Variants in SPOCD1 observed in about 807,000 individuals in gnomAD.
The protein encoded by SPOCD1 is SPOC domain containing 1, also known as SPOC domain-containing protein 1.
A neutral mutation model predicts 92.2 loss-of-function variants in SPOCD1; 64 were observed. The ratio of observed to expected loss-of-function variants is 0.69; its 90% CI spans 0.57 to 0.86. SPOCD1 has a LOEUF of 0.86. Among genes scored for constraint, SPOCD1 ranks in the 40% least tolerant of loss-of-function variants. The probability of loss-of-function intolerance (pLI) is 0.00; values close to 1 mark genes in which losing one functional copy is unlikely to be tolerated. For missense variants in SPOCD1, 1,360 were observed against 1,543.1 expected, an observed-to-expected ratio of 0.88 and a Z score of 1.99; for synonymous variants, 578 against 619.3, an observed-to-expected ratio of 0.93 and a Z score of 0.99.
rs780024963 is a variant in SPOCD1 at position 31,799,833 on chromosome 1, G to A, written c.1759C>T (p.Leu587Phe). ...SGPMEAEEDS[L>F]PEQPEDSAQL... ...CCTGAGTCCTCTGGCTGCTCCGGAA[G>A]AGAATCCTCTTCAGCCTCCATTGGG... Residue 587 changes from leucine to phenylalanine, a missense_variant, in exon 6 of 16, where the codon CTT (leucine) becomes TTT (phenylalanine). Around this residue, in one of 3 missense-constraint regions of SPOCD1, gnomAD observed 606 missense variants for 601.5 expected, o/e 1.01. Coordinates refer to ENST00000360482, the MANE Select transcript of SPOCD1 (RefSeq NM_144569.7). The A allele has an allele frequency of 6.2e-6, 10 of 1,614,004 alleles. No individual in the cohort carries two copies. In the Admixed American group the frequency reaches 1.3e-4, roughly 22 times the overall value.
At chr1:31,811,257 G>T (rs1333975645) in intron 2 of SPOCD1, among the ~76,000 whole-genome samples, 1 of 152,136 alleles carries the variant, frequency 6.6e-6, no homozygotes, top group South Asian at 2.1e-4. Flanking sequence ...GATCACCTGA[G>T]GTCAGGAGTT....
chr1:31,813,863 G>C (rs1649359155), intron 2 of SPOCD1, 88 bp downstream of exon 2: 1 of 1,255,378 alleles, frequency 8.0e-7, no homozygotes. Flanking sequence ...CGCCCATCTA[G>C]CTTAGCTTTA....
At chr1:31,799,059 C>T (rs1314980856) in intron 7 of SPOCD1, among the ~76,000 whole-genome samples, 1 of 152,188 alleles carries the variant, frequency 6.6e-6, no homozygotes, top group Non-Finnish European at 1.5e-5. Context: ...GAGCCTTGGT[C>T]TCCCCATCAG....
intron 4 of SPOCD1, 87 bp from the exon 5 acceptor site, chr1:31,800,228 C>T: frequency 6.6e-7 from 1 of 1,514,116 alleles, no homozygotes; most frequent in Non-Finnish European, 8.8e-7. Context: ...CCCAGCCCCT[C>T]CCTCCTCCAG....
Position 31,791,003 on chromosome 1 carries a change from G to A in SPOCD1, c.3251C>T (p.Ser1084Phe). The change falls in exon 16 of 16, where the codon TCT (serine) becomes TTT (phenylalanine). Residue 1084 changes from serine to phenylalanine, a missense_variant. Ser to Phe is a radical substitution (Grantham distance 155). Transcript: ENST00000360482. Reference protein sequence around the residue: ...GRGSIAPRGISAWQRPPRGRG... With the variant: ...GRGSIAPRGIFAWQRPPRGRG... ...GCCTCTGGGGGGCCTCTGCCAAGCA[G>A]AGATTCCCCTTGGAGCTATACTGCC... The A allele has an allele frequency of 6.3e-7, 1 of 1,594,966 alleles. No individual in the cohort carries two copies. Among genetic ancestry groups the A allele is most frequent in the Admixed American group, 1.8e-5 (1 of 57,048 alleles).
At chr1:31,796,258 C>T (rs900639708) in intron 10 of SPOCD1, 5 of 412,758 alleles carry the variant, frequency 1.2e-5, no homozygotes, top group Admixed American at 3.6e-5. Flanking sequence ...CCTGGAACAG[C>T]GCAGCCTGCT....
intron 2 of SPOCD1, among the ~76,000 whole-genome samples, chr1:31,802,228 C>T (rs1648518024): frequency 6.6e-6 from 1 of 152,198 alleles, no homozygotes. Flanking sequence ...ACTACGAATT[C>T]TATGTGGCTT....
At position 31,800,523 on chromosome 1, in the gene SPOCD1, A is replaced by T. The variant is rs1190678186; in HGVS notation, c.1520T>A (p.Leu507Ter). ...LPPKLEVLED[L>*]MEVSSPSPAQ... ...AGGTGAGGGTGAGCTGACCTCCATC[A>T]AGTCCTCTAGAACCTCCAGCTTTGG... Residue 507 changes from leucine (L) to a stop codon, truncating the protein, a stop_gained, in exon 4 of 16, where the codon TTG becomes TAG. Transcript: ENST00000360482. LOFTEE classifies it high-confidence loss of function. The T allele has an allele frequency of 6.2e-7, 1 of 1,612,622 alleles. No homozygotes were observed. Among genetic ancestry groups the T allele is most frequent in the Non-Finnish European group, 8.5e-7 (1 of 1,179,482 alleles).
intron 12 of SPOCD1, 121 bp from the exon 13 acceptor site, chr1:31,793,549 G>A (rs756264437): frequency 6.8e-5 from 102 of 1,501,858 alleles, no homozygotes; most frequent in Non-Finnish European, 8.9e-5. Context: ...ACTGGCCCAA[G>A]CTTGGCCTTG....
At chr1:31,803,625 C>T (rs2149109829) in intron 2 of SPOCD1, among the ~76,000 whole-genome samples, 1 of 151,620 alleles carries the variant, frequency 6.6e-6, no homozygotes, top group East Asian at 1.9e-4. Context: ...CCTGTAGTCC[C>T]AACTACTCAG....
At chr1:31,806,568 G>A (rs1648832413) in intron 2 of SPOCD1, among the ~76,000 whole-genome samples, 3 of 147,626 alleles carry the variant, frequency 2.0e-5, no homozygotes, top group Admixed American at 6.7e-5. Context: ...TTTTTGAGAC[G>A]GAGTCTCACA....
intron 2 of SPOCD1, among the ~76,000 whole-genome samples, chr1:31,813,330 C>T (rs550429956): frequency 1.3e-5 from 2 of 152,278 alleles, no homozygotes; most frequent in South Asian, 4.1e-4. Flanking sequence ...TACAGTGGTG[C>T]GATCTCAGCT....
At position 31,791,157 on chromosome 1, in the gene SPOCD1, C is replaced by G. The variant is rs746994907; in HGVS notation, c.3097G>C (p.Val1033Leu). Residue 1033 changes from valine (V) to leucine (L), a missense_variant, in exon 16 of 16, where the codon GTT becomes CTT. Val to Leu is a conservative substitution (Grantham distance 32). Transcript: ENST00000360482. The stretch of plus-strand genomic sequence containing the variant: ...CTGTTGAAGGAGACCATCTTTTGAA[C>G]CTTCCCCAACCAGGGGCTGGACCCT... Reference protein sequence around the residue: ...TAGSSPWLGKVQKMVSFNSKV... With the variant: ...TAGSSPWLGKLQKMVSFNSKV... The G allele has an allele frequency of 1.1e-5, 18 of 1,612,864 alleles. No individual in the cohort carries two copies. The Middle Eastern group carries it at 4.9e-4, about 44-fold the overall frequency.
chr1:31,803,257 T>C (rs10798890), intron 2 of SPOCD1, among the ~76,000 whole-genome samples: 54,591 of 151,870 alleles, frequency 0.36, 11,157 homozygotes, highest in Admixed American at 0.47. Context: ...ACAAAAAAAC[T>C]ACAAAAAACA....
chr1:31,808,720 A>G (rs771261265), intron 2 of SPOCD1, among the ~76,000 whole-genome samples: 4 of 152,126 alleles, frequency 2.6e-5, no homozygotes, highest in Non-Finnish European at 1.5e-5. Context: ...AAGGGAAGAG[A>G]GATGTAAAGA....
chr1:31,792,646 A>C lies in SPOCD1; in HGVS notation c.2775+32T>G, dbSNP rs868062759. 7.8e-6 allele frequency: 12 copies of C among 1,533,134 alleles called. No homozygotes were observed. The Middle Eastern group carries it at 1.0e-3, about 130-fold the overall frequency. The allele number at this position is 1,533,134 out of a possible 1,614,324, so 95.0% of individuals were successfully genotyped here. A position where few individuals can be genotyped will look rare whatever the true frequency, so the allele number is the denominator to read the frequency against. ...AGGGAGGTGGGAGTAAGGTACTAGG[A>C]AAAGAGGGGGTGCCCAAGAGTGGGC... On this transcript the variant is annotated intron_variant, in intron 14 of 15. Transcript: ENST00000360482.
chr1:31,813,567 C>G (rs1649341887), intron 2 of SPOCD1, among the ~76,000 whole-genome samples: 1 of 151,188 alleles, frequency 6.6e-6, no homozygotes, highest in Non-Finnish European at 1.5e-5. Context: ...CAGGCCTAGG[C>G]ACATTATTTT....
At chr1:31,811,133 G>A (rs1295363868) in intron 2 of SPOCD1, among the ~76,000 whole-genome samples, 2 of 152,220 alleles carry the variant, frequency 1.3e-5, no homozygotes, top group African/African-American at 4.8e-5. Flanking sequence ...CCACTTCATA[G>A]AGGAGGCAAC....
At chr1:31,801,843 T>C in intron 2 of SPOCD1, 138 bp from the exon 3 acceptor site, 1 of 764,198 alleles carries the variant, frequency 1.3e-6, no homozygotes. Flanking sequence ...AGCAAAAAGT[T>C]GTCCATCAAA....
Sources: allele counts gnomAD v4.1 joint callset (sites outside exome capture counted in the v4.1 genomes callset), GRCh38; gene constraint gnomAD v4.1.1; regional missense constraint gnomAD v4.1.1; transcripts MANE v1.5; gene names NCBI Gene and HGNC (gene_info 2026-07-23, HGNC 2026-07-21).